Variants in NPAS3 observed in about 807,000 individuals in gnomAD.
The protein encoded by NPAS3 is neuronal PAS domain-containing protein 3.
NPAS3 carries 14 observed loss-of-function variants against 73.1 expected under a neutral mutation model. The observed-to-expected ratio is 0.19, with a 90% confidence interval of 0.13 to 0.30. The LOEUF (loss-of-function observed/expected upper bound fraction) is 0.30, where lower values mean the gene tolerates loss of function less well. Ranked by LOEUF, NPAS3 falls within the 10% of genes least tolerant of loss-of-function variation. The pLI is 1.00. For missense variants in NPAS3, 1,096 were observed against 1,250.0 expected, an observed-to-expected ratio of 0.88 and a Z score of 1.86; for synonymous variants, 620 against 541.5, an observed-to-expected ratio of 1.14 and a Z score of -2.01.
chr14:33,495,142 T>A (rs918644028), intron 4 of NPAS3, among the ~76,000 whole-genome samples: 6 of 152,126 alleles, frequency 3.9e-5, no homozygotes, highest in Admixed American at 2.0e-4. Flanking sequence ...TAAATACTGC[T>A]TTAGCTGTAT....
chr14:33,741,962 TATAC>T (rs1459726503), intron 7 of NPAS3, among the ~76,000 whole-genome samples: 3 of 152,160 alleles, frequency 2.0e-5, no homozygotes, highest in Non-Finnish European at 2.9e-5. Context: ...TGTATGTACA[TATAC>T]ATACATAAAA....
intron 3 of NPAS3, among the ~76,000 whole-genome samples, chr14:33,334,847 A>G (rs890779040): frequency 6.6e-6 from 1 of 152,128 alleles, no homozygotes; most frequent in Non-Finnish European, 1.5e-5. Context: ...CTTTCCCCAC[A>G]GTTCAATGTA....
At chr14:33,071,388 C>T (rs2041479483) in intron 2 of NPAS3, among the ~76,000 whole-genome samples, 1 of 152,118 alleles carries the variant, frequency 6.6e-6, no homozygotes, top group Admixed American at 6.5e-5. Context: ...ATTCAGTAGT[C>T]AAGTAGGCAA....
At chr14:33,258,653 C>G (rs2048860921) in intron 3 of NPAS3, among the ~76,000 whole-genome samples, 1 of 152,096 alleles carries the variant, frequency 6.6e-6, no homozygotes, top group Admixed American at 6.5e-5. Context: ...TTCATAGGAC[C>G]TAATCTGATC....
At chr14:32,987,144 G>A (rs1468789775) in intron 1 of NPAS3, among the ~76,000 whole-genome samples, 2 of 151,750 alleles carry the variant, frequency 1.3e-5, no homozygotes, top group African/African-American at 4.8e-5. Context: ...GTGAAAATAA[G>A]CACAATACCT....
intron 1 of NPAS3, among the ~76,000 whole-genome samples, chr14:32,971,974 C>T (rs1299327579): frequency 2.2e-5 from 3 of 133,818 alleles, no homozygotes; most frequent in Non-Finnish European, 4.6e-5. Flanking sequence ...GAGTCTCACT[C>T]TTCGACCAGG....
At chr14:33,062,077 A>G (rs1158346570) in intron 2 of NPAS3, among the ~76,000 whole-genome samples, 2 of 152,136 alleles carry the variant, frequency 1.3e-5, no homozygotes, top group African/African-American at 4.8e-5. Flanking sequence ...GAGGCCTCAG[A>G]TCCCAGAGGA....
intron 4 of NPAS3, among the ~76,000 whole-genome samples, chr14:33,457,366 TAGAGAATGAAA>T (rs1231016343): frequency 1.3e-5 from 2 of 152,218 alleles, no homozygotes; most frequent in Non-Finnish European, 2.9e-5. Flanking sequence ...AAACACATGT[TAGAGAATGAAA>T]AGAGATTTTA....
intron 2 of NPAS3, among the ~76,000 whole-genome samples, chr14:33,116,027 G>A (rs1309850714): frequency 6.6e-6 from 1 of 151,998 alleles, no homozygotes; most frequent in African/African-American, 2.4e-5. Flanking sequence ...ACACAGATGG[G>A]AGCCTCATCC....
chr14:33,250,890 A>G (rs1015923270), intron 3 of NPAS3, among the ~76,000 whole-genome samples: 1 of 152,106 alleles, frequency 6.6e-6, no homozygotes, highest in African/African-American at 2.4e-5. Context: ...ATAATAACCT[A>G]CCCTTATTCA....
At chr14:33,749,505 A>G (rs2061898294) in intron 7 of NPAS3, among the ~76,000 whole-genome samples, 1 of 152,226 alleles carries the variant, frequency 6.6e-6, no homozygotes, top group African/African-American at 2.4e-5. Context: ...AAAGAAAAAT[A>G]TAATAGGAAT....
chr14:33,420,107 A>T (rs2048310519), intron 4 of NPAS3, among the ~76,000 whole-genome samples: 2 of 152,000 alleles, frequency 1.3e-5, no homozygotes. Context: ...CTTCAAAGAT[A>T]TTCAGAGGCT....
chr14:33,207,250 C>G (rs1009264233), intron 2 of NPAS3, among the ~76,000 whole-genome samples: 2 of 20,046 alleles, frequency 1.0e-4, no homozygotes, highest in African/African-American at 2.7e-4. Flanking sequence ...CACACACACA[C>G]ACACACACAC....
chr14:33,374,512 G>C (rs548603506), intron 4 of NPAS3, among the ~76,000 whole-genome samples: 12 of 151,816 alleles, frequency 7.9e-5, no homozygotes, highest in African/African-American at 2.9e-4. Flanking sequence ...TCAGGTTGAT[G>C]TAATAAAGAA....
At chr14:33,087,197 T>A (rs1384569899) in intron 2 of NPAS3, among the ~76,000 whole-genome samples, 1 of 104,014 alleles carries the variant, frequency 9.6e-6, no homozygotes, top group Non-Finnish European at 2.0e-5. Flanking sequence ...TAATATTGTA[T>A]AATAATATAG....
At chr14:33,604,259 G>T (rs921807484) in intron 5 of NPAS3, among the ~76,000 whole-genome samples, 3 of 152,006 alleles carry the variant, frequency 2.0e-5, no homozygotes, top group Admixed American at 2.0e-4. Context: ...CCAATATGTG[G>T]CCTACAAGAC....
chr14:33,685,909 TA>T (rs2060075517), intron 6 of NPAS3, among the ~76,000 whole-genome samples: 1 of 152,142 alleles, frequency 6.6e-6, no homozygotes, highest in Non-Finnish European at 1.5e-5. Context: ...GCCATGTTTT[TA>T]TTGTAAGCAC....
chr14:33,439,113 C>T (rs2049120221), intron 4 of NPAS3, among the ~76,000 whole-genome samples: 2 of 151,748 alleles, frequency 1.3e-5, no homozygotes, highest in South Asian at 4.2e-4. Context: ...AAAAAAAAAT[C>T]CAAAGCATTT....
chr14:33,411,495 T>C (rs2047926752), intron 4 of NPAS3, among the ~76,000 whole-genome samples: 1 of 152,218 alleles, frequency 6.6e-6, no homozygotes, highest in Non-Finnish European at 1.5e-5. Flanking sequence ...GAGGCATTTT[T>C]GTTTGTCACA....
Sources: allele counts gnomAD v4.1 joint callset (sites outside exome capture counted in the v4.1 genomes callset), GRCh38; gene constraint gnomAD v4.1.1; transcripts MANE v1.5; gene names NCBI Gene and HGNC (gene_info 2026-07-23, HGNC 2026-07-21).